The following SLC9A9 variants were observed in gnomAD, a reference collection of about 807,000 sequenced individuals.
SLC9A9 encodes the protein solute carrier family 9 member A9, also known as sodium/hydrogen exchanger 9.
Under a neutral mutation model 77.8 loss-of-function variants are expected in SLC9A9, and 62 were observed. The observed-to-expected ratio is 0.80, with a 90% CI of 0.65 to 0.98. The LOEUF is 0.98. SLC9A9 is among the 50% of genes least tolerant of loss of function. The probability of loss-of-function intolerance (pLI) is 0.00; values close to 1 mark genes in which losing one functional copy is unlikely to be tolerated. For missense variants in SLC9A9, 775 were observed against 774.9 expected (o/e 1.00, Z 0.00); for synonymous variants, 320 against 283.5 (o/e 1.13, Z -1.29).
chr3:143,838,586 A>G (rs2009631523), intron 1 of SLC9A9, among the ~76,000 whole-genome samples: 1 of 152,232 alleles, frequency 6.6e-6, no homozygotes, highest in South Asian at 2.1e-4. Flanking sequence ...GGAAGTTAAC[A>G]TCATATTTAG....
intron 6 of SLC9A9, among the ~76,000 whole-genome samples, chr3:143,596,123 C>A (rs375191631): frequency 6.6e-6 from 1 of 151,996 alleles, no homozygotes; most frequent in Non-Finnish European, 1.5e-5. Flanking sequence ...CAGGGTACGA[C>A]ATAGTTTAGT....
chr3:143,838,435 G>C (rs972228904), intron 1 of SLC9A9, among the ~76,000 whole-genome samples: 1 of 151,346 alleles, frequency 6.6e-6, no homozygotes, highest in Non-Finnish European at 1.5e-5. Flanking sequence ...CAAGGTGGTC[G>C]GCAAGGTGGT....
chr3:143,824,948 C>T (rs2009262077), intron 2 of SLC9A9, among the ~76,000 whole-genome samples: 2 of 152,176 alleles, frequency 1.3e-5, no homozygotes. Flanking sequence ...AGCCTCATCC[C>T]ATTTACTGCC....
At chr3:143,759,790 G>A (rs115260659) in intron 4 of SLC9A9, among the ~76,000 whole-genome samples, 2,474 of 151,996 alleles carry the variant, frequency 0.016, 29 homozygotes, top group Middle Eastern at 0.038. Flanking sequence ...TCTTTCAACA[G>A]CATTTTCTGT....
rs568677407 is a variant in SLC9A9, at chr3:143,512,615, C to T, written c.1090-17167G>A. Among the ~76,000 whole-genome samples, 161 of 152,352 alleles carry T rather than the reference C, an allele frequency of 1.1e-3. 1 individual carries two copies. Among genetic ancestry groups the T allele is most frequent in the African/African-American group, 3.7e-3 (153 of 41,582 alleles). ...GTACATGGCTGGGTGCGGTGGCTCA[C>T]GCCTGTAATCCCAGCACTTTGGGAT... On this transcript the variant is annotated intron_variant, in intron 9 of 15. Transcript: ENST00000316549.
intron 14 of SLC9A9, among the ~76,000 whole-genome samples, chr3:143,340,505 T>G (rs1173096178): frequency 3.3e-5 from 5 of 152,206 alleles, no homozygotes; most frequent in African/African-American, 1.2e-4. Flanking sequence ...TTGGAATTTC[T>G]TAATGGAAAA....
chr3:143,481,885 T>C (rs534590351), intron 11 of SLC9A9, among the ~76,000 whole-genome samples: 15 of 152,334 alleles, frequency 9.8e-5, no homozygotes, highest in African/African-American at 3.1e-4. Context: ...TTCTAGGCAC[T>C]GCTGAAACAA....
At chr3:143,627,401 G>T in intron 6 of SLC9A9, 1 of 220,602 alleles carries the variant, frequency 4.5e-6, no homozygotes, top group South Asian at 7.9e-5. Context: ...AGAACATAGA[G>T]ACTCTGAATG....
At chr3:143,276,512 C>G (rs1017643563) in intron 14 of SLC9A9, among the ~76,000 whole-genome samples, 2 of 152,084 alleles carry the variant, frequency 1.3e-5, no homozygotes, top group African/African-American at 4.8e-5. Flanking sequence ...GTGCCATCTT[C>G]TAGGAATTGC....
At chr3:143,607,143 G>C (rs1175016744) in intron 6 of SLC9A9, among the ~76,000 whole-genome samples, 1 of 151,278 alleles carries the variant, frequency 6.6e-6, no homozygotes, top group Non-Finnish European at 1.5e-5. Context: ...AAGTTCTGAG[G>C]GAAAATATTT....
At chr3:143,527,983 G>T (rs772055980) in intron 9 of SLC9A9, among the ~76,000 whole-genome samples, 1 of 152,252 alleles carries the variant, frequency 6.6e-6, no homozygotes, top group Non-Finnish European at 1.5e-5. Flanking sequence ...GGCTGTAACT[G>T]AAAGTAGATC....
chr3:143,285,721 G>T (rs1938363893), intron 14 of SLC9A9, among the ~76,000 whole-genome samples: 1 of 152,218 alleles, frequency 6.6e-6, no homozygotes, highest in South Asian at 2.1e-4. Flanking sequence ...GGCTCGGATT[G>T]GTTGGGAGCA....
intron 12 of SLC9A9, among the ~76,000 whole-genome samples, chr3:143,386,615 T>C (rs1370899523): frequency 1.3e-5 from 2 of 152,222 alleles, no homozygotes; most frequent in African/African-American, 4.8e-5. Context: ...TTGATATTAT[T>C]ATTTTTCAGT....
At chr3:143,440,344 C>T (rs535182090) in intron 12 of SLC9A9, among the ~76,000 whole-genome samples, 33 of 152,266 alleles carry the variant, frequency 2.2e-4, no homozygotes, top group Non-Finnish European at 3.8e-4. Context: ...TTCCCTTTTG[C>T]TTATGATTGG....
chr3:143,609,175 C>T (rs2037976902), intron 6 of SLC9A9, among the ~76,000 whole-genome samples: 1 of 152,038 alleles, frequency 6.6e-6, no homozygotes, highest in Non-Finnish European at 1.5e-5. Flanking sequence ...AGAACAGATT[C>T]CTGGGAAGCT....
intron 3 of SLC9A9, 115 bp downstream of exon 3, chr3:143,796,711 A>C: frequency 1.4e-6 from 1 of 700,760 alleles, no homozygotes; most frequent in Non-Finnish European, 2.4e-6. Flanking sequence ...TCACAAATTT[A>C]AGATAATGAT....
At chr3:143,701,131 A>G (rs1168249439) in intron 4 of SLC9A9, among the ~76,000 whole-genome samples, 1 of 152,228 alleles carries the variant, frequency 6.6e-6, no homozygotes, top group Non-Finnish European at 1.5e-5. Flanking sequence ...TATGGCTTAG[A>G]TAATAACACC....
intron 4 of SLC9A9, among the ~76,000 whole-genome samples, chr3:143,792,972 A>G (rs1427513224): frequency 1.3e-5 from 2 of 152,168 alleles, no homozygotes; most frequent in Non-Finnish European, 2.9e-5. Context: ...CGATTCTAAA[A>G]TGTTTAGGCT....
At chr3:143,811,647 A>G (rs2008867496) in intron 2 of SLC9A9, 1 of 453,794 alleles carries the variant, frequency 2.2e-6, no homozygotes, top group African/African-American at 2.0e-5. Context: ...GGAGTTTGAG[A>G]CCAGCCCAGC....
Sources: allele counts gnomAD v4.1 joint callset (sites outside exome capture counted in the v4.1 genomes callset), GRCh38; gene constraint gnomAD v4.1.1; transcripts MANE v1.5; gene names NCBI Gene and HGNC (gene_info 2026-07-23, HGNC 2026-07-21).